Variants in ARMC7 observed in about 807,000 individuals in gnomAD.
The protein encoded by ARMC7 is armadillo repeat-containing protein 7.
A neutral mutation model predicts 14.8 loss-of-function variants in ARMC7; 9 were observed. The ratio of observed to expected loss-of-function variants is 0.61; its 90% CI spans 0.37 to 1.06. The LOEUF is 1.06. Among genes scored for constraint, ARMC7 ranks in the 50% least tolerant of loss-of-function variants. The pLI, the probability that ARMC7 is intolerant of heterozygous loss-of-function variation, is 0.01. For synonymous variants in ARMC7, 125 were observed against 123.4 expected, an observed-to-expected ratio of 1.01 and a Z score of -0.09; for missense variants, 262 against 267.1, an observed-to-expected ratio of 0.98 and a Z score of 0.13.
Position 75,129,229 on chromosome 17 carries a change from C to A in ARMC7, c.*191C>A. 1.3e-6 allele frequency: 1 copy of A among 788,906 alleles called. No individual in the cohort carries two copies. Among genetic ancestry groups the A allele is most frequent in the Non-Finnish European group, 1.9e-6 (1 of 515,588 alleles). The allele number at this position is 788,906 out of a possible 1,614,324, so 48.9% of individuals were successfully genotyped here. On this transcript the variant is annotated 3_prime_UTR_variant, in exon 3 of 3. Coordinates refer to ENST00000245543, the MANE Select transcript of ARMC7 (RefSeq NM_024585.4). ...GAGTGAGGAAGCCAGACTCCAGAGA[C>A]ACGGAGAAGATCAAACTGGAGCTGC...
At chr17:75,127,742 G>A (rs886919467) in intron 2 of ARMC7, among the ~76,000 whole-genome samples, 3 of 152,190 alleles carry the variant, frequency 2.0e-5, no homozygotes, top group African/African-American at 4.8e-5. Flanking sequence ...CTACAGGCGT[G>A]TACCATCATG....
intron 2 of ARMC7, among the ~76,000 whole-genome samples, chr17:75,125,605 A>C (rs1332212023): frequency 6.6e-6 from 1 of 152,176 alleles, no homozygotes; most frequent in Admixed American, 6.5e-5. Flanking sequence ...TGGGAGGCCA[A>C]GATGGGTGGA....
intron 2 of ARMC7, among the ~76,000 whole-genome samples, chr17:75,111,651 T>TCGTTGCAGTGAAG (rs2073924146): frequency 6.6e-6 from 1 of 151,000 alleles, no homozygotes; most frequent in African/African-American, 2.5e-5. Context: ...GGTGGGAGGA[T>TCGTTGCAGTGAAG]TGCTTAAGCC....
chr17:75,125,881 G>A (rs2074047903), intron 2 of ARMC7, among the ~76,000 whole-genome samples: 1 of 152,170 alleles, frequency 6.6e-6, no homozygotes, highest in Admixed American at 6.5e-5. Context: ...GGACCAGCCT[G>A]ACCCAGGTGC....
intron 2 of ARMC7, among the ~76,000 whole-genome samples, chr17:75,127,434 G>C (rs1181326259): frequency 6.6e-6 from 1 of 151,896 alleles, no homozygotes; most frequent in African/African-American, 2.4e-5. Context: ...CAAGTAGCTG[G>C]GATTACAAGC....
At chr17:75,123,032 CTT>C (rs34863483) in intron 2 of ARMC7, among the ~76,000 whole-genome samples, 8 of 135,932 alleles carry the variant, frequency 5.9e-5, no homozygotes, top group African/African-American at 1.1e-4. Flanking sequence ...TCTTTGGACA[CTT>C]TTTTTTTTTT....
chr17:75,119,446 G>GTTTTTTTTTTTTT lies in ARMC7; in HGVS notation c.235+8846_235+8847insTTTTTTTTTTTTT, dbSNP rs147340090. The stretch of plus-strand genomic sequence containing the variant: ...ACTTCTGAAAATACCCTGTGATACA[G>GTTTTTTTTTTTTT]TTTTTTCTTTTTTTTTTTTTGAGAC... On this transcript the variant is annotated intron_variant, in intron 2 of 2. Coordinates refer to ENST00000245543, the MANE Select transcript of ARMC7 (RefSeq NM_024585.4). Among the ~76,000 whole-genome samples the GTTTTTTTTTTTTT allele has an allele frequency of 1.7e-5, 2 of 120,068 alleles. 1 individual carries two copies. Among genetic ancestry groups the GTTTTTTTTTTTTT allele is most frequent in the Non-Finnish European group, 3.3e-5 (2 of 61,292 alleles). The allele number at this position is 120,068 out of a possible 152,430, so 78.8% of individuals were successfully genotyped here.
rs117950150 is a variant in ARMC7, at chr17:75,129,714, G to A, written c.*676G>A. 2,212 of 152,498 alleles carry A rather than the reference G, an allele frequency of 0.015. 24 individuals carry two copies. The highest frequency in any genetic ancestry group is 0.027 in the Middle Eastern group (8 of 294). The allele number at this position is 152,498 out of a possible 1,614,324, so 9.4% of individuals were successfully genotyped here. On this transcript the variant is annotated 3_prime_UTR_variant, in exon 3 of 3. Coordinates refer to ENST00000245543, the MANE Select transcript of ARMC7 (RefSeq NM_024585.4). The stretch of plus-strand genomic sequence containing the variant: ...AGCCCAGGGACTTAATGTGGCCATC[G>A]GGCATCAAGCACAAGGCCATGCAGG...
rs1338485451 is a variant in ARMC7, at chr17:75,110,281, C to T, written c.-8C>T. The T allele has an allele frequency of 6.2e-7, 1 of 1,607,210 alleles. No homozygotes were observed. The highest frequency in any genetic ancestry group is 2.2e-5 in the East Asian group (1 of 44,840). ...GCCCGTCCCTGGGGGTCCTCCGTCACCGCGGCCATGGCCCAGAAGCCGAAG... is the reference window on the plus strand; with the variant it reads ...GCCCGTCCCTGGGGGTCCTCCGTCATCGCGGCCATGGCCCAGAAGCCGAAG... On this transcript the variant is annotated 5_prime_UTR_variant, in exon 1 of 3. Coordinates refer to ENST00000245543, the MANE Select transcript of ARMC7 (RefSeq NM_024585.4).
At chr17:75,125,973 T>C (rs1053436977) in intron 2 of ARMC7, among the ~76,000 whole-genome samples, 1 of 152,210 alleles carries the variant, frequency 6.6e-6, no homozygotes, top group African/African-American at 2.4e-5. Flanking sequence ...GGGGGCACCA[T>C]GGGCACCTGT....
At chr17:75,119,167 A>ACACTGGT (rs2073994076) in intron 2 of ARMC7, among the ~76,000 whole-genome samples, 1 of 106,828 alleles carries the variant, frequency 9.4e-6, no homozygotes, top group African/African-American at 5.1e-5. Flanking sequence ...GGTACACTGG[A>ACACTGGT]CTGGTACACT....
At chr17:75,114,243 T>C (rs2145119724) in intron 2 of ARMC7, 1 of 400,932 alleles carries the variant, frequency 2.5e-6, no homozygotes. Context: ...GCGATAGAGC[T>C]CCTCCAAATC....
intron 2 of ARMC7, among the ~76,000 whole-genome samples, chr17:75,122,978 C>G (rs2074024544): frequency 6.6e-6 from 1 of 151,666 alleles, no homozygotes; most frequent in Non-Finnish European, 1.5e-5. Context: ...TGTCCTTCTT[C>G]CCTCCTTCAT....
chr17:75,127,837 C>A (rs530770649), intron 2 of ARMC7, among the ~76,000 whole-genome samples: 1 of 152,298 alleles, frequency 6.6e-6, no homozygotes, highest in East Asian at 1.9e-4. Context: ...TCAAGGGATC[C>A]TCCTGCCTTG....
At chr17:75,126,247 G>C (rs977947383) in intron 2 of ARMC7, among the ~76,000 whole-genome samples, 1 of 152,170 alleles carries the variant, frequency 6.6e-6, no homozygotes, top group Non-Finnish European at 1.5e-5. Context: ...GCTGAGCAGA[G>C]TGACCTCCAA....
intron 2 of ARMC7, among the ~76,000 whole-genome samples, chr17:75,128,363 G>A (rs531130202): frequency 5.3e-5 from 8 of 152,178 alleles, no homozygotes; most frequent in South Asian, 2.1e-4. Flanking sequence ...GTGAACCACC[G>A]TGCCCGGGCC....
Position 75,129,289 on chromosome 17 carries a change from T to TGCC in ARMC7, c.*252_*254dup, listed in dbSNP as rs1163009090. On this transcript the variant is annotated 3_prime_UTR_variant, in exon 3 of 3. Transcript: ENST00000245543. Reference sequence around the variant, plus strand: ...CTGGCACTCTCAATCCTACATCAGGTGCCACCACCACCAGACTCAGGCCCT... The same window carrying TGCC: ...CTGGCACTCTCAATCCTACATCAGGTGCCGCCACCACCACCAGACTCAGGCCCT... 1 of 561,534 alleles carries TGCC rather than the reference T, an allele frequency of 1.8e-6. No homozygotes were observed. Among genetic ancestry groups the TGCC allele is most frequent in the African/African-American group, 1.9e-5 (1 of 53,154 alleles). 34.8% of individuals were successfully genotyped at this position (561,534 alleles called of 1,614,324 possible).
intron 2 of ARMC7, among the ~76,000 whole-genome samples, chr17:75,115,436 G>T (rs1167418269): frequency 2.0e-5 from 3 of 152,266 alleles, no homozygotes; most frequent in Admixed American, 2.0e-4. Flanking sequence ...GCTACTCGGA[G>T]GCTGAGGCAG....
chr17:75,114,838 T>C lies in ARMC7; in HGVS notation c.235+4232T>C, dbSNP rs1002451930. ...AAATGAAATTTCTCGAAATTTCTCT[T>C]GTGTTTATTATGCATGACTGAGAAG... On this transcript the variant is annotated intron_variant, in intron 2 of 2. Transcript: ENST00000245543. 5 of 397,278 alleles carry C rather than the reference T, an allele frequency of 1.3e-5. No homozygotes were observed. The South Asian group carries it at 6.4e-4, about 51-fold the overall frequency. 24.6% of individuals were successfully genotyped at this position (397,278 alleles called of 1,614,324 possible).
Sources: allele counts gnomAD v4.1 joint callset (sites outside exome capture counted in the v4.1 genomes callset), GRCh38; gene constraint gnomAD v4.1.1; transcripts MANE v1.5; gene names NCBI Gene and HGNC (gene_info 2026-07-23, HGNC 2026-07-21).